IQCM: variants seen among roughly 807,000 people sequenced by gnomAD.
The protein encoded by IQCM is IQ domain-containing protein M.
IQCM carries 45 observed loss-of-function variants against 57.6 expected under a neutral mutation model. The ratio of observed to expected loss-of-function variants is 0.78; its 90% CI spans 0.62 to 1.00. The LOEUF (loss-of-function observed/expected upper bound fraction) is 1.00, where lower values mean the gene tolerates loss of function less well. Ranked by LOEUF, IQCM falls within the 50% of genes least tolerant of loss-of-function variation. The pLI is 0.00. For missense variants in IQCM, 468 were observed against 511.6 expected, an observed-to-expected ratio of 0.91 and a Z score of 0.82; for synonymous variants, 148 against 158.9, an observed-to-expected ratio of 0.93 and a Z score of 0.51.
chr4:149,627,287 T>C (rs1461961307), intron 7 of IQCM, among the ~76,000 whole-genome samples: 1 of 152,132 alleles, frequency 6.6e-6, no homozygotes, highest in Non-Finnish European at 1.5e-5. Context: ...TGCAAGTTAC[T>C]GGGAATTAGG....
chr4:149,437,249 T>A (rs1245210120), intron 12 of IQCM, among the ~76,000 whole-genome samples: 1 of 152,102 alleles, frequency 6.6e-6, no homozygotes, highest in East Asian at 1.9e-4. Context: ...TCTTTTTAAA[T>A]CCTTCTACAG....
At chr4:149,810,125 C>T (rs1016079053) in intron 2 of IQCM, among the ~76,000 whole-genome samples, 7 of 151,998 alleles carry the variant, frequency 4.6e-5, no homozygotes, top group African/African-American at 1.2e-4. Flanking sequence ...TGGCTCACAC[C>T]GGTAATCCTA....
At chr4:149,797,539 A>G (rs2150042144) in intron 2 of IQCM, among the ~76,000 whole-genome samples, 1 of 152,162 alleles carries the variant, frequency 6.6e-6, no homozygotes, top group South Asian at 2.1e-4. Context: ...AGGATATCCA[A>G]TATCCTACAG....
chr4:149,653,220 T>G (rs951965686), intron 7 of IQCM, among the ~76,000 whole-genome samples: 3 of 152,078 alleles, frequency 2.0e-5, no homozygotes, highest in Middle Eastern at 3.2e-3. Context: ...CCCTGGGAGA[T>G]GGAGAAGATG....
intron 12 of IQCM, among the ~76,000 whole-genome samples, chr4:149,543,348 T>C (rs1353251526): frequency 1.3e-5 from 2 of 152,148 alleles, no homozygotes; most frequent in Non-Finnish European, 2.9e-5. Context: ...CATAAAATAA[T>C]GTCATATTGA....
intron 5 of IQCM, among the ~76,000 whole-genome samples, chr4:149,709,372 A>G (rs941545856): frequency 6.6e-6 from 1 of 152,074 alleles, no homozygotes; most frequent in Admixed American, 6.6e-5. Context: ...TTCTCTTTTT[A>G]CCAAAGCACT....
In IQCM at chr4:149,473,345, A is replaced by T. The variant is rs182259122; in HGVS notation, c.1229-39788T>A. Reference sequence around the variant, plus strand: ...GAACAGACACTTCTCCAAAGAAGACATTTATGCAGCCAACAGACACATGAA... The same window carrying T: ...GAACAGACACTTCTCCAAAGAAGACTTTTATGCAGCCAACAGACACATGAA... On this transcript the variant is annotated intron_variant, in intron 12 of 13. Transcript: ENST00000636793. 2.0e-3 allele frequency among the ~76,000 whole-genome samples: 304 copies of T among 152,358 alleles called. 2 individuals are homozygous for T. Among genetic ancestry groups the T allele is most frequent in the Middle Eastern group, 0.014 (4 of 294 alleles).
intron 2 of IQCM, among the ~76,000 whole-genome samples, chr4:149,765,055 T>C (rs1488567745): frequency 2.0e-5 from 3 of 152,062 alleles, no homozygotes; most frequent in Non-Finnish European, 4.4e-5. Context: ...GTTTCTTCCA[T>C]CAAACCAGTT....
chr4:149,415,330 G>C (rs899355136), intron 13 of IQCM, among the ~76,000 whole-genome samples: 1 of 152,094 alleles, frequency 6.6e-6, no homozygotes, highest in African/African-American at 2.4e-5. Context: ...CCACTGACTG[G>C]GGAATCTTGT....
intron 5 of IQCM, among the ~76,000 whole-genome samples, chr4:149,697,164 T>G (rs937742562): frequency 6.6e-6 from 1 of 152,166 alleles, no homozygotes; most frequent in Non-Finnish European, 1.5e-5. Flanking sequence ...ATCTAACTTA[T>G]GCCTATCTCT....
chr4:149,742,539 T>A (rs1018642575), intron 3 of IQCM, 116 bp downstream of exon 3: 2 of 526,072 alleles, frequency 3.8e-6, no homozygotes, highest in African/African-American at 3.9e-5. Flanking sequence ...GAATAAATCC[T>A]TTCAAGATGT....
At chr4:149,615,355 C>T (rs1755695589) in intron 8 of IQCM, among the ~76,000 whole-genome samples, 1 of 152,090 alleles carries the variant, frequency 6.6e-6, no homozygotes, top group Non-Finnish European at 1.5e-5. Context: ...TAAATATTAT[C>T]TTTCAGGATA....
chr4:149,757,766 T>C (rs1384214260), intron 2 of IQCM, among the ~76,000 whole-genome samples: 1 of 151,816 alleles, frequency 6.6e-6, no homozygotes, highest in Non-Finnish European at 1.5e-5. Context: ...TGTGTGTGTG[T>C]ATATTTCTGC....
At chr4:149,559,214 C>T (rs895852803) in intron 10 of IQCM, among the ~76,000 whole-genome samples, 3 of 152,198 alleles carry the variant, frequency 2.0e-5, no homozygotes, top group African/African-American at 7.2e-5. Context: ...TCACCCTCTC[C>T]TCCCAATCCA....
At chr4:149,394,314 G>A (rs1026380993) in intron 13 of IQCM, among the ~76,000 whole-genome samples, 2 of 151,840 alleles carry the variant, frequency 1.3e-5, no homozygotes, top group African/African-American at 4.8e-5. Context: ...TTTTGAAACT[G>A]TAATAATGCA....
At chr4:149,685,748 T>C (rs1762500944) in intron 6 of IQCM, among the ~76,000 whole-genome samples, 1 of 151,610 alleles carries the variant, frequency 6.6e-6, no homozygotes, top group Non-Finnish European at 1.5e-5. Context: ...TAAGTATAAA[T>C]GTTCTTACCA....
intron 2 of IQCM, among the ~76,000 whole-genome samples, chr4:149,753,737 T>C (rs1470512108): frequency 7.6e-6 from 1 of 132,102 alleles, no homozygotes; most frequent in East Asian, 2.2e-4. Context: ...TAATAAAAAA[T>C]AAAATAAAAA....
Position 149,422,864 on chromosome 4 carries a change from C to A in IQCM, c.1390+10532G>T, listed in dbSNP as rs545671700. Among the ~76,000 whole-genome samples, 360 of 151,944 alleles carry A rather than the reference C, an allele frequency of 2.4e-3. 1 individual carries two copies. Among genetic ancestry groups the A allele is most frequent in the Non-Finnish European group, 4.4e-3 (297 of 67,944 alleles). On this transcript the variant is annotated intron_variant, in intron 13 of 13. Transcript: ENST00000636793. ...ATAGTTATAAATAGTTTTATAAAAT[C>A]GTGGAAGAAACTATGACAAAATAAT...
intron 12 of IQCM, among the ~76,000 whole-genome samples, chr4:149,518,957 C>T (rs1745293705): frequency 6.6e-6 from 1 of 152,208 alleles, no homozygotes; most frequent in East Asian, 1.9e-4. Context: ...GCTTCCTTGC[C>T]CACCAAATCA....
Sources: allele counts gnomAD v4.1 joint callset (sites outside exome capture counted in the v4.1 genomes callset), GRCh38; gene constraint gnomAD v4.1.1; transcripts MANE v1.5; gene names NCBI Gene and HGNC (gene_info 2026-07-23, HGNC 2026-07-21).